The following ARHGAP33 variants were observed in gnomAD, a reference collection of about 807,000 sequenced individuals.
ARHGAP33 encodes rho GTPase-activating protein 33.
ARHGAP33 carries 57 observed loss-of-function variants against 126.2 expected under a neutral mutation model. That is an observed-to-expected ratio of 0.45 (90% CI 0.36 to 0.56). The LOEUF (loss-of-function observed/expected upper bound fraction) is 0.56. Among genes scored for constraint, ARHGAP33 ranks in the 20% least tolerant of loss-of-function variants. ARHGAP33 has a pLI of 0.00. For missense variants in ARHGAP33, 1,500 were observed against 1,748.3 expected, an observed-to-expected ratio of 0.86 and a Z score of 2.53; for synonymous variants, 711 against 755.0, an observed-to-expected ratio of 0.94 and a Z score of 0.95.
chr19:35,777,250 C>G (rs773144323), intron 1 of ARHGAP33, among the ~76,000 whole-genome samples: 8 of 152,110 alleles, frequency 5.3e-5, no homozygotes, highest in Admixed American at 3.9e-4. Flanking sequence ...ACGATCCAGG[C>G]TATTGCGGAA....
intron 6 of ARHGAP33, among the ~76,000 whole-genome samples, chr19:35,779,341 A>G (rs1176761561): frequency 6.6e-6 from 1 of 152,156 alleles, no homozygotes; most frequent in African/African-American, 2.4e-5. Flanking sequence ...TTCGGCTTTA[A>G]GGATACAAGG....
chr19:35,776,201 G>A (rs1437464559), intron 1 of ARHGAP33, among the ~76,000 whole-genome samples: 1 of 148,304 alleles, frequency 6.7e-6, no homozygotes, highest in Non-Finnish European at 1.5e-5. Context: ...ATCAGTCTGA[G>A]CCTTTGCCTC....
In ARHGAP33 at chr19:35,775,677, C is replaced by G. The variant is rs1245604729; in HGVS notation, c.6+13C>G. ...CGCGACCATGGTGGTAAGGGTCCCA[C>G]GCGGCCGTCAGCCTGTCCGTCCGGA... On this transcript the variant is annotated intron_variant, in intron 1 of 20. Transcript: ENST00000007510. 3.2e-6 allele frequency: 5 copies of G among 1,545,536 alleles called. No homozygotes were observed. Among genetic ancestry groups the G allele is most frequent in the Non-Finnish European group, 4.3e-6 (5 of 1,151,202 alleles).
Position 35,778,613 on chromosome 19 carries a change from G to C in ARHGAP33, c.408+12G>C. 6.2e-7 allele frequency: 1 copy of C among 1,611,060 alleles called. No individual in the cohort carries two copies. The highest frequency in any genetic ancestry group is 8.5e-7 in the Non-Finnish European group (1 of 1,178,706). ...CCAGGGCTGCCCAGGTAACCTGCTT[G>C]TTGTCTCAGCCCCTGCCTCATGAGT... On this transcript the variant is annotated intron_variant, in intron 5 of 20. Coordinates refer to ENST00000007510, the MANE Select transcript of ARHGAP33 (RefSeq NM_001366178.1).
At chr19:35,776,807 T>C (rs1971481790) in intron 1 of ARHGAP33, among the ~76,000 whole-genome samples, 1 of 152,124 alleles carries the variant, frequency 6.6e-6, no homozygotes, top group Non-Finnish European at 1.5e-5. Flanking sequence ...GGAGAAGCTC[T>C]GGTCAAGGCA....
chr19:35,776,732 T>C (rs1343663582), intron 1 of ARHGAP33, among the ~76,000 whole-genome samples: 7 of 152,218 alleles, frequency 4.6e-5, no homozygotes, highest in Non-Finnish European at 1.0e-4. Context: ...AGGCCGGTCA[T>C]AGTCCAATGA....
rs956465686 is a variant in ARHGAP33, at chr19:35,788,560, G to A, written c.*131G>A. On this transcript the variant is annotated 3_prime_UTR_variant, in exon 21 of 21. Coordinates refer to ENST00000007510, the MANE Select transcript of ARHGAP33 (RefSeq NM_001366178.1). ...GTTTCTAACTTTGTAACTTGCTTCT[G>A]ATGTGGGTCCCTAACCTATAATCTC... The A allele has an allele frequency of 2.5e-6, 2 of 806,696 alleles. No individual in the cohort carries two copies. The highest frequency in any genetic ancestry group is 3.6e-5 in the African/African-American group (2 of 55,606). The allele number at this position is 806,696 out of a possible 1,614,324, so 50.0% of individuals were successfully genotyped here. A position where few individuals can be genotyped will look rare whatever the true frequency, so the allele number is the denominator to read the frequency against.
chr19:35,782,301 C>A lies in ARHGAP33; in HGVS notation c.1086-72C>A. On this transcript the variant is annotated intron_variant, in intron 12 of 20. Coordinates refer to ENST00000007510, the MANE Select transcript of ARHGAP33 (RefSeq NM_001366178.1). This position sits in a 1 kb window ranked among gnomAD's most constrained non-coding sequence, Gnocchi z 4.1. ...ACCTGCGGGCACTTGGGGGTAGGGG[C>A]AAGGGGAGCATGGCCACGTGAGCGA... 1.9e-6 allele frequency: 3 copies of A among 1,543,196 alleles called. No homozygotes were observed. Among genetic ancestry groups the A allele is most frequent in the Non-Finnish European group, 2.6e-6 (3 of 1,134,216 alleles).
intron 16 of ARHGAP33, chr19:35,784,617 A>C (rs1599793849): frequency 3.1e-6 from 4 of 1,278,716 alleles, no homozygotes; most frequent in Non-Finnish European, 2.0e-6. Flanking sequence ...CCCAGACTTG[A>C]CCCCGCCCCG....
In ARHGAP33 at chr19:35,780,979, C is replaced by T. The variant is rs377724119; in HGVS notation, c.889C>T (p.Pro297Ser). 1 of 1,611,092 alleles carries T rather than the reference C, an allele frequency of 6.2e-7. No individual in the cohort carries two copies. Among genetic ancestry groups the T allele is most frequent in the Non-Finnish European group, 8.5e-7 (1 of 1,179,936 alleles). ...GCTCCGCACCTTCATGCGCTCCCGC[C>T]CTTCTCGGCAGCGGCTGCGGCAGCG... Reference protein sequence around the residue: ...GLLRTFMRSRPSRQRLRQRGI... With the variant: ...GLLRTFMRSRSSRQRLRQRGI... Residue 297 changes from proline to serine, a missense_variant, in exon 11 of 21, where the codon CCT (proline) becomes TCT (serine). Physicochemically the swap from Pro to Ser is moderately conservative, Grantham distance 74 (BLOSUM62 -1). This residue lies in a region of ARHGAP33 where 281 missense variants were observed against 413.7 expected (regional missense o/e 0.68). Transcript: ENST00000007510.
intron 1 of ARHGAP33, among the ~76,000 whole-genome samples, chr19:35,777,280 G>T (rs1971504656): frequency 6.6e-6 from 1 of 152,014 alleles, no homozygotes; most frequent in Admixed American, 6.6e-5. Context: ...GGAGGGGAGA[G>T]GCTGGAAGCA....
rs231234 is a variant in ARHGAP33, at chr19:35,786,057, A to T, written c.1943-356A>T. The T allele has an allele frequency of 2.6e-4, 305 of 1,163,408 alleles. 3 individuals carry two copies. The African/African-American group carries it at 4.4e-3, about 17-fold the overall frequency. 72.1% of individuals were successfully genotyped at this position (1,163,408 alleles called of 1,614,324 possible). A position where few individuals can be genotyped will look rare whatever the true frequency, so the allele number is the denominator to read the frequency against. On this transcript the variant is annotated intron_variant, in intron 19 of 20. Coordinates refer to ENST00000007510, the MANE Select transcript of ARHGAP33 (RefSeq NM_001366178.1). This position sits in a 1 kb window ranked among gnomAD's most constrained non-coding sequence, Gnocchi z 7.0. ...CTCCGACCTCTGCGGGGGGCTGCTT[A>T]TCCACCCCACCCAGCCGTGCCTCTG...
chr19:35,787,862 C>T lies in ARHGAP33; in HGVS notation c.3297C>T (p.Gly1099=), dbSNP rs1457568988. The T allele has an allele frequency of 1.2e-6, 2 of 1,608,876 alleles. No homozygotes were observed. The highest frequency in any genetic ancestry group is 4.5e-5 in the East Asian group (2 of 44,840). The stretch of plus-strand genomic sequence containing the variant: ...CAAGTGAGGGGTCCCCCTATTCTGG[C>T]CCCACCCGCTCCTGGAGTCCCTTTC... The part of the protein sequence containing the change: ...IGASEGSPYS[G]PTRSWSPFRS... Residue 1099 remains glycine (G), a synonymous_variant, in exon 21 of 21, where the codon GGC becomes GGT. Transcript: ENST00000007510.
Position 35,787,236 on chromosome 19 carries a change from C to T in ARHGAP33, c.2671C>T (p.Pro891Ser). 2 of 1,610,318 alleles carry T rather than the reference C, an allele frequency of 1.2e-6. No individual in the cohort carries two copies. The highest frequency in any genetic ancestry group is 1.7e-6 in the Non-Finnish European group (2 of 1,178,732). ...CCTGCGCCCTGGGGGTGCCCCACCC[C>T]CGCCCCCTAAGAACCCAGCACGCCT... is the stretch of plus-strand genomic sequence containing the variant. ...SLLRPGGAPP[P>S]PPKNPARLMA... Residue 891 changes from proline to serine, a missense_variant, in exon 21 of 21, where the codon CCG becomes TCG. Physicochemically the swap from Pro to Ser is moderately conservative, Grantham distance 74. Transcript: ENST00000007510.
Position 35,782,756 on chromosome 19 carries a change from C to T in ARHGAP33, c.1314-6C>T, listed in dbSNP as rs1599787834. On this transcript the variant is annotated splice_polypyrimidine_tract_variant and splice_region_variant and intron_variant, in intron 14 of 20. Transcript: ENST00000007510. This position sits in a 1 kb window ranked among gnomAD's most constrained non-coding sequence, Gnocchi z 4.1. Reference sequence around the variant, plus strand: ...GCTCAGGTGCCCCCTCTGCTCCCACCCCCAGGACCCTGGAGTACCTGCTGA... The same window carrying T: ...GCTCAGGTGCCCCCTCTGCTCCCACTCCCAGGACCCTGGAGTACCTGCTGA... The T allele has an allele frequency of 6.2e-7, 1 of 1,612,592 alleles. No individual in the cohort carries two copies. The highest frequency in any genetic ancestry group is 8.5e-7 in the Non-Finnish European group (1 of 1,179,168).
At position 35,787,222 on chromosome 19, in the gene ARHGAP33, G is replaced by C; in HGVS notation, c.2657G>C (p.Gly886Ala). ...PPPPLSLLRP[G>A]GAPPPPPKNP... is the part of the protein sequence containing the mutation. ...CCTCCCCTGTCTCTCCTGCGCCCTGGGGGTGCCCCACCCCCGCCCCCTAAG... is the reference window on the plus strand; with the variant it reads ...CCTCCCCTGTCTCTCCTGCGCCCTGCGGGTGCCCCACCCCCGCCCCCTAAG... Residue 886 changes from glycine to alanine, a missense_variant, in exon 21 of 21, where the codon GGG becomes GCG. This residue lies in a region of ARHGAP33 where 642 missense variants were observed against 634.0 expected (regional missense o/e 1.01). Coordinates refer to ENST00000007510, the MANE Select transcript of ARHGAP33 (RefSeq NM_001366178.1). 6.2e-7 allele frequency: 1 copy of C among 1,610,702 alleles called. No homozygotes were observed. Among genetic ancestry groups the C allele is most frequent in the Non-Finnish European group, 8.5e-7 (1 of 1,178,802 alleles).
At chr19:35,776,485 A>C (rs1971467846) in intron 1 of ARHGAP33, among the ~76,000 whole-genome samples, 1 of 152,146 alleles carries the variant, frequency 6.6e-6, no homozygotes, top group Non-Finnish European at 1.5e-5. Context: ...ACAGACCCTG[A>C]GGGTGAGACC....
chr19:35,784,753 C>T, intron 16 of ARHGAP33, 200 bp from the exon 17 acceptor site: 1 of 1,360,918 alleles, frequency 7.3e-7, no homozygotes, highest in Non-Finnish European at 9.4e-7. Context: ...CGGGAGCTGC[C>T]TCCTCATCAG....
Position 35,786,677 on chromosome 19 carries a change from G to C in ARHGAP33, c.2207G>C (p.Arg736Pro), listed in dbSNP as rs550325493. The change falls in exon 20 of 21, where the codon CGG (arginine) becomes CCG (proline). Residue 736 changes from arginine (R) to proline (P), a missense_variant. Physicochemically the swap from Arg to Pro is moderately radical, Grantham distance 103. Transcript: ENST00000007510. This position sits in a 1 kb window ranked among gnomAD's most constrained non-coding sequence, Gnocchi z 7.0. ...CCACCCCGCTGCCTGGAGGGACTCC[G>C]GGGGCTGGACTTTGATCCCTTAACC... ...FSPPRCLEGL[R>P]GLDFDPLTFR... is the part of the protein sequence containing the mutation. 69 of 1,535,606 alleles carry C rather than the reference G, an allele frequency of 4.5e-5. No homozygotes were observed. The African/African-American group carries it at 5.6e-4, about 12-fold the overall frequency.
Sources: allele counts gnomAD v4.1 joint callset (sites outside exome capture counted in the v4.1 genomes callset), GRCh38; gene constraint gnomAD v4.1.1; regional missense constraint gnomAD v4.1.1; non-coding constraint Gnocchi (gnomAD v3.1); transcripts MANE v1.5; gene names NCBI Gene and HGNC (gene_info 2026-07-23, HGNC 2026-07-21).